Variants in XYLT1 observed in about 807,000 individuals in gnomAD.
XYLT1 encodes the protein xylosyltransferase 1.
A neutral mutation model predicts 91.3 loss-of-function variants in XYLT1; 36 were observed. That is an observed-to-expected ratio of 0.39 (90% CI 0.30 to 0.52). XYLT1 has a LOEUF of 0.52. Ranked by LOEUF, XYLT1 falls within the 20% of genes least tolerant of loss-of-function variation. The pLI, the probability that XYLT1 is intolerant of heterozygous loss-of-function variation, is 0.68. For synonymous variants in XYLT1, 588 were observed against 532.0 expected (o/e 1.11, Z -1.45); for missense variants, 1,242 against 1,284.5 (o/e 0.97, Z 0.51).
intron 9 of XYLT1, among the ~76,000 whole-genome samples, chr16:17,129,723 A>G (rs1172251497): frequency 6.6e-6 from 1 of 152,172 alleles, no homozygotes; most frequent in African/African-American, 2.4e-5. Context: ...AATGTGACTG[A>G]GGAACTGAAT....
At chr16:17,142,157 GGGAT>G (rs1157402886) in intron 6 of XYLT1, among the ~76,000 whole-genome samples, 3 of 152,132 alleles carry the variant, frequency 2.0e-5, no homozygotes, top group African/African-American at 7.2e-5. Flanking sequence ...CCAAAGCACT[GGGAT>G]TACAGGCATG....
intron 10 of XYLT1, among the ~76,000 whole-genome samples, chr16:17,120,860 C>T (rs12325036): frequency 0.027 from 4,105 of 152,172 alleles, 94 homozygotes; most frequent in Non-Finnish European, 0.032. Context: ...GTCTATTGAT[C>T]GATCAATGAT....
intron 5 of XYLT1, among the ~76,000 whole-genome samples, chr16:17,163,910 G>A (rs893456174): frequency 1.1e-4 from 16 of 151,858 alleles, no homozygotes; most frequent in Non-Finnish European, 2.2e-4. Flanking sequence ...TTAGCCAGGT[G>A]TGGTGGCATG....
intron 5 of XYLT1, among the ~76,000 whole-genome samples, chr16:17,189,455 C>T (rs1395031078): frequency 3.3e-5 from 5 of 152,136 alleles, no homozygotes; most frequent in Non-Finnish European, 7.3e-5. Context: ...GGGCAGAGTC[C>T]CATATGATGG....
intron 5 of XYLT1, among the ~76,000 whole-genome samples, chr16:17,176,632 C>G (rs766187935): frequency 8.5e-5 from 13 of 152,180 alleles, no homozygotes; most frequent in Non-Finnish European, 1.6e-4. Flanking sequence ...CAGGGTCTCT[C>G]CAGGAAACCC....
intron 1 of XYLT1, among the ~76,000 whole-genome samples, chr16:17,438,246 T>C (rs775185264): frequency 6.6e-6 from 1 of 152,196 alleles, no homozygotes; most frequent in East Asian, 1.9e-4. Flanking sequence ...ATGATGTTAA[T>C]AGCGCTCTCC....
chr16:17,339,919 TCATCCATC>T (rs953365963), intron 2 of XYLT1, among the ~76,000 whole-genome samples: 17 of 151,226 alleles, frequency 1.1e-4, no homozygotes, highest in African/African-American at 4.1e-4. Flanking sequence ...ATCCATCCAT[TCATCCATC>T]CTCCATCCAT....
intron 2 of XYLT1, among the ~76,000 whole-genome samples, chr16:17,334,524 CA>C (rs11290407): frequency 0.5 from 73,600 of 147,160 alleles, 18,320 homozygotes; most frequent in Admixed American, 0.6. Context: ...CACTTCAGAC[CA>C]AAAAAAAAAA....
chr16:17,200,335 C>A, intron 4 of XYLT1, 147 bp downstream of exon 4: 1 of 962,068 alleles, frequency 1.0e-6, no homozygotes. Flanking sequence ...TCTAGGGCCA[C>A]ACGCTCTGTG....
At chr16:17,387,643 G>A (rs556502401) in intron 1 of XYLT1, among the ~76,000 whole-genome samples, 42 of 152,260 alleles carry the variant, frequency 2.8e-4, no homozygotes, top group East Asian at 2.5e-3. Flanking sequence ...CAAGGGAACC[G>A]CTGCTACCCC....
chr16:17,116,309 C>A (rs1966852118), intron 11 of XYLT1, among the ~76,000 whole-genome samples: 1 of 152,196 alleles, frequency 6.6e-6, no homozygotes, highest in South Asian at 2.1e-4. Context: ...GGGATGGAAA[C>A]CCTGACCTGA....
At position 17,108,872 on chromosome 16, in the gene XYLT1, C is replaced by G. The variant is rs769733883; in HGVS notation, c.2703G>C (p.Ala901=). ...CCAACGAGTCCAGCCATCCCTCCAG[C>G]GCTGTGCCCGTGGAGGCTGCGTTCC... ...ARRNAASTGT[A]LEGWLDSLVG... is the part of the protein sequence containing the mutation. The change falls in exon 12 of 12, where the codon GCG becomes GCC. Residue 901 remains alanine, a synonymous_variant. Coordinates refer to ENST00000261381, the MANE Select transcript of XYLT1 (RefSeq NM_022166.4). The G allele has an allele frequency of 6.2e-7, 1 of 1,612,566 alleles. No homozygotes were observed. The highest frequency in any genetic ancestry group is 8.5e-7 in the Non-Finnish European group (1 of 1,179,238).
At chr16:17,232,176 C>T (rs1286117579) in intron 3 of XYLT1, among the ~76,000 whole-genome samples, 2 of 141,184 alleles carry the variant, frequency 1.4e-5, no homozygotes, top group African/African-American at 2.6e-5. Context: ...ATATATTATA[C>T]AATATATACT....
chr16:17,432,874 A>C (rs184913204), intron 1 of XYLT1, among the ~76,000 whole-genome samples: 23 of 152,202 alleles, frequency 1.5e-4, no homozygotes, highest in Non-Finnish European at 1.5e-5. Flanking sequence ...TTGTCTTGTC[A>C]AAAGAGGAAA....
intron 2 of XYLT1, among the ~76,000 whole-genome samples, chr16:17,350,481 C>A (rs1357845992): frequency 6.6e-6 from 1 of 152,214 alleles, no homozygotes; most frequent in African/African-American, 2.4e-5. Flanking sequence ...TCTGCCCAGG[C>A]AGTGGTCTGG....
At chr16:17,174,364 C>T (rs933957834) in intron 5 of XYLT1, among the ~76,000 whole-genome samples, 4 of 152,144 alleles carry the variant, frequency 2.6e-5, no homozygotes, top group South Asian at 2.1e-4. Context: ...GTAGTAACAG[C>T]CCAAATGTCC....
chr16:17,310,110 C>T (rs180871931), intron 2 of XYLT1, among the ~76,000 whole-genome samples: 1 of 152,318 alleles, frequency 6.6e-6, no homozygotes, highest in Admixed American at 6.5e-5. Context: ...TGAACACCTT[C>T]CTTTTCCTCC....
At chr16:17,442,538 G>C (rs1466043178) in intron 1 of XYLT1, among the ~76,000 whole-genome samples, 1 of 152,122 alleles carries the variant, frequency 6.6e-6, no homozygotes, top group African/African-American at 2.4e-5. Context: ...TATTTAAGTT[G>C]AGGAGCCTCA....
At chr16:17,221,402 G>C (rs574347400) in intron 3 of XYLT1, among the ~76,000 whole-genome samples, 2 of 152,130 alleles carry the variant, frequency 1.3e-5, no homozygotes, top group African/African-American at 4.8e-5. Context: ...CCAGTTCATC[G>C]TCTCAAAACA....
Sources: gnomAD v4.1 joint callset for allele counts (sites outside exome capture counted in the v4.1 genomes callset) on GRCh38, gnomAD v4.1.1 for gene constraint, MANE v1.5 for transcripts, NCBI Gene and HGNC (gene_info 2026-07-23, HGNC 2026-07-21) for gene names.